The following CAP1 variants were observed in gnomAD, a reference collection of about 807,000 sequenced individuals.
The protein encoded by CAP1 is adenylyl cyclase-associated protein 1.
In CAP1, 11 loss-of-function variants were observed where a neutral mutation model predicts 58.2. The observed-to-expected ratio is 0.19, with a 90% CI of 0.12 to 0.31. The LOEUF (loss-of-function observed/expected upper bound fraction) is 0.31. Ranked by LOEUF, CAP1 falls within the 10% of genes least tolerant of loss-of-function variation. The probability of loss-of-function intolerance (pLI) is 1.00; values close to 1 mark genes in which losing one functional copy is unlikely to be tolerated. For synonymous variants in CAP1, 183 were observed against 213.8 expected (o/e 0.86, Z 1.26); for missense variants, 423 against 587.5 (o/e 0.72, Z 2.89).
chr1:40,061,893 T>G, intron 4 of CAP1, 81 bp downstream of exon 4: 3 of 1,055,676 alleles, frequency 2.8e-6, no homozygotes, highest in Non-Finnish European at 4.4e-6. Context: ...ATTATAACAT[T>G]TTAAAATAGA....
At chr1:40,051,837 G>A (rs1646386853) in intron 1 of CAP1, among the ~76,000 whole-genome samples, 1 of 152,078 alleles carries the variant, frequency 6.6e-6, no homozygotes, top group African/African-American at 2.4e-5. Context: ...CCAAAGTGCT[G>A]GGATTACAGG....
At position 40,066,165 on chromosome 1, in the gene CAP1, C is replaced by G. The variant is rs377217410; in HGVS notation, c.525-50C>G. ...GGAAAGAAGGGTTCTGGAGTCACCA[C>G]TGTTATGTACCCGGATCACCTGTGA... is the stretch of plus-strand genomic sequence containing the variant. On this transcript the variant is annotated intron_variant, in intron 6 of 12. Transcript: ENST00000372805. 4.6e-4 allele frequency: 479 copies of G among 1,030,844 alleles called. 1 individual carries two copies. Among genetic ancestry groups the G allele is most frequent in the Non-Finnish European group, 6.8e-4 (445 of 650,198 alleles). The allele number at this position is 1,030,844 out of a possible 1,614,324, so 63.9% of individuals were successfully genotyped here. A position where few individuals can be genotyped will look rare whatever the true frequency, so the allele number is the denominator to read the frequency against.
intron 1 of CAP1, among the ~76,000 whole-genome samples, chr1:40,049,574 C>T (rs1025159304): frequency 1.3e-5 from 2 of 152,126 alleles, no homozygotes; most frequent in Admixed American, 6.6e-5. Flanking sequence ...TTTCTTTTTA[C>T]TCTGCATGAT....
intron 1 of CAP1, among the ~76,000 whole-genome samples, chr1:40,056,026 A>T (rs1310389688): frequency 1.3e-5 from 2 of 152,172 alleles, no homozygotes; most frequent in Non-Finnish European, 2.9e-5. Context: ...TGTCTTCATT[A>T]TAAAGATAAG....
In CAP1 at chr1:40,072,286, A is replaced by T. The variant is rs1327560295; in HGVS notation, c.*753A>T. Reference sequence around the variant, plus strand: ...AAAAAAAAAAACCCACATGATTTCAAGGAGTCTGGCATTCCTGAATCCTTC... The same window carrying T: ...AAAAAAAAAAACCCACATGATTTCATGGAGTCTGGCATTCCTGAATCCTTC... On this transcript the variant is annotated 3_prime_UTR_variant, in exon 13 of 13. Coordinates refer to ENST00000372805, the MANE Select transcript of CAP1 (RefSeq NM_006367.4). The T allele has an allele frequency of 1.0e-5, 4 of 383,516 alleles. No homozygotes were observed. The highest frequency in any genetic ancestry group is 1.8e-5 in the Non-Finnish European group (4 of 217,578). 23.8% of individuals were successfully genotyped at this position (383,516 alleles called of 1,614,324 possible). A position where few individuals can be genotyped will look rare whatever the true frequency, so the allele number is the denominator to read the frequency against.
intron 1 of CAP1, among the ~76,000 whole-genome samples, chr1:40,052,757 A>G (rs1278737649): frequency 6.6e-6 from 1 of 152,082 alleles, no homozygotes; most frequent in African/African-American, 2.4e-5. Flanking sequence ...ATGTGATTGA[A>G]AAAAAGTTGG....
intron 1 of CAP1, among the ~76,000 whole-genome samples, chr1:40,055,259 G>A (rs3122414): frequency 0.54 from 82,344 of 151,860 alleles, 24,035 homozygotes; most frequent in Non-Finnish European, 0.66. Flanking sequence ...AGAAGATTAA[G>A]CAGGACTAGA....
Position 40,059,274 on chromosome 1 carries a change from T to C in CAP1, c.-10-63T>C, listed in dbSNP as rs191503107. 709 of 968,328 alleles carry C rather than the reference T, an allele frequency of 7.3e-4. 1 individual carries two copies. The African/African-American group carries it at 9.7e-3, about 13-fold the overall frequency. The allele number at this position is 968,328 out of a possible 1,614,324, so 60.0% of individuals were successfully genotyped here. ...CTGGGGATGACCAGGAATTTTCTGTTTTTTTCTCTGTAGGTGCTATTTAAT... is the reference window on the plus strand; with the variant it reads ...CTGGGGATGACCAGGAATTTTCTGTCTTTTTCTCTGTAGGTGCTATTTAAT... On this transcript the variant is annotated intron_variant, in intron 1 of 12. Coordinates refer to ENST00000372805, the MANE Select transcript of CAP1 (RefSeq NM_006367.4).
At chr1:40,040,700 C>T (rs1364470948), upstream of CAP1, 3 of 152,724 alleles carry the variant, frequency 2.0e-5, no homozygotes, top group Admixed American at 6.5e-5. Flanking sequence ...GGCGCCGCGC[C>T]CAGTGAGGGC....
At chr1:40,051,786 G>C (rs1382326701) in intron 1 of CAP1, among the ~76,000 whole-genome samples, 1 of 152,056 alleles carries the variant, frequency 6.6e-6, no homozygotes, top group Non-Finnish European at 1.5e-5. Flanking sequence ...AGCTAGGATG[G>C]TCTCGATCTC....
At chr1:40,042,062 A>G (rs968356857) in intron 1 of CAP1, among the ~76,000 whole-genome samples, 5 of 152,118 alleles carry the variant, frequency 3.3e-5, no homozygotes, top group African/African-American at 9.7e-5. Context: ...TTTTTAGTAG[A>G]GATGGGGTTT....
At chr1:40,043,057 G>A (rs1048738102) in intron 1 of CAP1, among the ~76,000 whole-genome samples, 2 of 152,148 alleles carry the variant, frequency 1.3e-5, no homozygotes, top group African/African-American at 4.8e-5. Flanking sequence ...TAATAAGGTG[G>A]GTCAGCTAAA....
rs72214452 is a variant in CAP1 at position 40,049,178 on chromosome 1, A to ATTTTTTTTTTTTTTTTTTTT, written c.-11+8384_-11+8403dup. ...TGGCAGGAATCACTAGCCATTTCTA[A>ATTTTTTTTTTTTTTTTTTTT]TTTTTTTTTTTTTTTTTTTTTTTTT... On this transcript the variant is annotated intron_variant, in intron 1 of 12. Transcript: ENST00000372805. Among the ~76,000 whole-genome samples, 40 of 84,882 alleles carry ATTTTTTTTTTTTTTTTTTTT rather than the reference A, an allele frequency of 4.7e-4. 3 individuals carry two copies. Among genetic ancestry groups the ATTTTTTTTTTTTTTTTTTTT allele is most frequent in the Admixed American group, 6.8e-4 (4 of 5,888 alleles). The allele number at this position is 84,882 out of a possible 152,430, so 55.7% of individuals were successfully genotyped here. A position where few individuals can be genotyped will look rare whatever the true frequency, so the allele number is the denominator to read the frequency against.
At chr1:40,066,824 C>G (rs1037155482) in intron 7 of CAP1, among the ~76,000 whole-genome samples, 1 of 152,068 alleles carries the variant, frequency 6.6e-6, no homozygotes, top group Non-Finnish European at 1.5e-5. Context: ...AAAATACATG[C>G]AGAGTAAATG....
intron 2 of CAP1, 45 bp from the exon 3 acceptor site, chr1:40,060,022 T>G: frequency 6.7e-7 from 1 of 1,502,530 alleles, no homozygotes; most frequent in Non-Finnish European, 9.2e-7. Flanking sequence ...TAAAGAAGCC[T>G]CCTTCTGATG....
Position 40,058,721 on chromosome 1 carries a change from GA to G in CAP1, c.-10-604del, listed in dbSNP as rs1004293256. ...TGGGTGACATTGTAAGACTTTGTCT[GA>G]AAAAAAAAAAATTATTGAGGGAAGA... On this transcript the variant is annotated intron_variant, in intron 1 of 12. Transcript: ENST00000372805. Among the ~76,000 whole-genome samples the G allele has an allele frequency of 9.0e-4, 129 of 143,882 alleles. 1 individual carries two copies. The Middle Eastern group carries it at 0.014, about 16-fold the overall frequency. 94.4% of individuals were successfully genotyped at this position (143,882 alleles called of 152,430 possible). A position where few individuals can be genotyped will look rare whatever the true frequency, so the allele number is the denominator to read the frequency against.
At chr1:40,059,288 G>T (rs1646748374) in intron 1 of CAP1, 49 bp from the exon 2 acceptor site, 3 of 1,080,110 alleles carry the variant, frequency 2.8e-6, no homozygotes, top group Middle Eastern at 2.2e-4. Flanking sequence ...TTCTCTGTAG[G>T]TGCTATTTAA....
At chr1:40,044,929 T>G (rs1646018922) in intron 1 of CAP1, among the ~76,000 whole-genome samples, 2 of 151,258 alleles carry the variant, frequency 1.3e-5, no homozygotes, top group East Asian at 1.9e-4. Flanking sequence ...CCCGAGTAGC[T>G]GGGACTACAG....
chr1:40,054,347 C>T (rs35017768), intron 1 of CAP1, among the ~76,000 whole-genome samples: 21,452 of 151,992 alleles, frequency 0.14, 1,809 homozygotes, highest in African/African-American at 0.24. Flanking sequence ...CATACCACCA[C>T]GCCTGGCTAA....
Sources: allele counts gnomAD v4.1 joint callset (sites outside exome capture counted in the v4.1 genomes callset), GRCh38; gene constraint gnomAD v4.1.1; transcripts MANE v1.5; gene names NCBI Gene and HGNC (gene_info 2026-07-23, HGNC 2026-07-21).